Variants in BSG observed in about 807,000 individuals in gnomAD.
BSG encodes the protein basigin.
A neutral mutation model predicts 43.1 loss-of-function variants in BSG; 37 were observed. The observed-to-expected ratio is 0.86, with a 90% CI of 0.66 to 1.13. The LOEUF is 1.13. Ranked by LOEUF, BSG falls within the 50% of genes most tolerant of loss-of-function variation. The probability of loss-of-function intolerance (pLI) is 0.00; values close to 1 mark genes in which losing one functional copy is unlikely to be tolerated. For missense variants in BSG, 599 were observed against 554.2 expected, an observed-to-expected ratio of 1.08 and a Z score of -0.81; for synonymous variants, 309 against 238.7, an observed-to-expected ratio of 1.29 and a Z score of -2.72.
At chr19:576,215 T>C (rs1981760495) in intron 1 of BSG, among the ~76,000 whole-genome samples, 6 of 152,134 alleles carry the variant, frequency 3.9e-5, no homozygotes, top group Admixed American at 2.6e-4. Flanking sequence ...GGAGGTGGGG[T>C]GAGGTGAGTC....
intron 1 of BSG, among the ~76,000 whole-genome samples, chr19:575,595 A>C (rs957572067): frequency 1.5e-5 from 1 of 66,348 alleles, no homozygotes; most frequent in African/African-American, 6.0e-5. Flanking sequence ...CTGCTGTCTG[A>C]GCACTGGGGT....
At chr19:571,369 AC>A, upstream of BSG, 1 of 605,194 alleles carries the variant, frequency 1.7e-6, no homozygotes, top group African/African-American at 1.9e-5. Flanking sequence ...TCCGAGTTTA[AC>A]TTCCAACACA....
intron 4 of BSG, 40 bp downstream of exon 4, chr19:580,501 TCGGGAGAAGTTGTTGGCCTGAGGCAC>T: frequency 6.2e-7 from 1 of 1,607,422 alleles, no homozygotes; most frequent in Non-Finnish European, 8.5e-7. Flanking sequence ...CCACCGACTG[TCGGGAGAAGTTGTTGGCCTGAGGCAC>T]CCGGCACATC....
chr19:577,079 G>A (rs546562394), intron 1 of BSG, among the ~76,000 whole-genome samples: 14 of 152,320 alleles, frequency 9.2e-5, no homozygotes, highest in Middle Eastern at 6.8e-3. Context: ...CTTGGGCTGG[G>A]CTGTTCCTGG....
At position 580,412 on chromosome 19, in the gene BSG, C is replaced by T. The variant is rs969288382; in HGVS notation, c.606C>T (p.Ser202=). 1 of 1,611,362 alleles carries T rather than the reference C, an allele frequency of 6.2e-7. No individual in the cohort carries two copies. The highest frequency in any genetic ancestry group is 8.5e-7 in the Non-Finnish European group (1 of 1,179,938). ...VDSDDQWGEY[S]CVFLPEPMGT... ...CCGACGACCAGTGGGGAGAGTACTC[C>T]TGCGTCTTCCTCCCCGAGCCCATGG... Residue 202 remains serine, a synonymous_variant, in exon 4 of 9, where the codon TCC becomes TCT. Transcript: ENST00000333511.
chr19:576,285 G>T (rs1428675767), intron 1 of BSG, among the ~76,000 whole-genome samples: 1 of 152,218 alleles, frequency 6.6e-6, no homozygotes, highest in Non-Finnish European at 1.5e-5. Context: ...AGCCCTGCAG[G>T]TCTGGAGGAT....
chr19:580,266 C>T (rs954434934), intron 3 of BSG, 113 bp from the exon 4 acceptor site: 17 of 929,502 alleles, frequency 1.8e-5, no homozygotes, highest in Non-Finnish European at 2.0e-5. Context: ...TCAGACTTGA[C>T]TGGGACAGTT....
In BSG at chr19:579,574, A is replaced by T; in HGVS notation, c.490A>T (p.Thr164Ser). The T allele has an allele frequency of 6.2e-7, 1 of 1,612,726 alleles. No homozygotes were observed. Among genetic ancestry groups the T allele is most frequent in the Non-Finnish European group, 8.5e-7 (1 of 1,179,924 alleles). Reference sequence around the variant, plus strand: ...CACCTGCTCCTTGAATGACAGCGCCACAGAGGTCACAGGGCACCGCTGGCT... The same window carrying T: ...CACCTGCTCCTTGAATGACAGCGCCTCAGAGGTCACAGGGCACCGCTGGCT... ...LLTCSLNDSA[T>S]EVTGHRWLKG... is the part of the protein sequence containing the mutation. Residue 164 changes from threonine to serine, a missense_variant, in exon 3 of 9, where the codon ACA becomes TCA. Coordinates refer to ENST00000333511, the MANE Select transcript of BSG (RefSeq NM_001728.4).
In BSG at chr19:577,976, C is replaced by T. The variant is rs747732556; in HGVS notation, c.270C>T (p.Ala90=). 3.7e-6 allele frequency: 6 copies of T among 1,612,106 alleles called. No homozygotes were observed. The African/African-American group carries it at 5.3e-5, about 14-fold the overall frequency. Residue 90 remains alanine, a synonymous_variant, in exon 2 of 9, where the codon GCC becomes GCT. Transcript: ENST00000333511. ...ACGCCACCTACCACCAGCACGCGGC[C>T]AGCACCATCTCCATCGACACGCTCG... The part of the protein sequence containing the change: ...HIHATYHQHA[A]STISIDTLVE...
At position 583,050 on chromosome 19, in the gene BSG, G is replaced by A. The variant is rs1234049390; in HGVS notation, c.*306G>A. 6 of 179,348 alleles carry A rather than the reference G, an allele frequency of 3.3e-5. No homozygotes were observed. The highest frequency in any genetic ancestry group is 2.3e-4 in the South Asian group (2 of 8,856). The allele number at this position is 179,348 out of a possible 1,614,324, so 11.1% of individuals were successfully genotyped here. A position where few individuals can be genotyped will look rare whatever the true frequency, so the allele number is the denominator to read the frequency against. On this transcript the variant is annotated 3_prime_UTR_variant, in exon 9 of 9. Transcript: ENST00000333511. The stretch of plus-strand genomic sequence containing the variant: ...GGCGGCACAGCCTTCTCCACTGGCC[G>A]GAGTCAGTGCCAGGTCCTTGCCCTT...
At chr19:572,428 T>C, upstream of BSG, 25 of 1,137,332 alleles carry the variant, frequency 2.2e-5, no homozygotes, top group Admixed American at 4.9e-5. Flanking sequence ...CCGGATTCCG[T>C]AGCGTGAGCC....
In BSG at chr19:580,124, A is replaced by AC. The variant is rs200823690; in HGVS notation, c.573-255_573-254insC. On this transcript the variant is annotated intron_variant, in intron 3 of 8. Coordinates refer to ENST00000333511, the MANE Select transcript of BSG (RefSeq NM_001728.4). ...AAGACGGTCACAGGGTGTGGGGTGCAGAGCAGGGACCAGAGGTGTGGGGTT... is the reference window on the plus strand; with the variant it reads ...AAGACGGTCACAGGGTGTGGGGTGCACGAGCAGGGACCAGAGGTGTGGGGTT... 5.7e-3 allele frequency: 2,955 copies of AC among 520,664 alleles called. 136 individuals carry two copies. In the East Asian group the frequency reaches 0.084, roughly 15 times the overall value. 32.3% of individuals were successfully genotyped at this position (520,664 alleles called of 1,614,324 possible). A position where few individuals can be genotyped will look rare whatever the true frequency, so the allele number is the denominator to read the frequency against.
chr19:581,715 G>A lies in BSG; in HGVS notation c.1069+124G>A, dbSNP rs552594392. The A allele has an allele frequency of 1.8e-5, 23 of 1,300,820 alleles. No homozygotes were observed. In the South Asian group the frequency reaches 3.5e-4, roughly 20 times the overall value. The allele number at this position is 1,300,820 out of a possible 1,614,324, so 80.6% of individuals were successfully genotyped here. On this transcript the variant is annotated intron_variant, in intron 6 of 8. Coordinates refer to ENST00000333511, the MANE Select transcript of BSG (RefSeq NM_001728.4). ...GGAACTGAGGAGCCCCAGGCAGGGA[G>A]TTGATGGGACCCCGAAAGAAAGTGT... is the stretch of plus-strand genomic sequence containing the variant.
At chr19:571,389 A>C, upstream of BSG, 1 of 626,616 alleles carries the variant, frequency 1.6e-6, no homozygotes, top group Middle Eastern at 4.2e-4. Context: ...CACACTTTCA[A>C]CCTCCAAGAG....
At chr19:579,315 C>A in intron 2 of BSG, 185 bp from the exon 3 acceptor site, 2 of 824,282 alleles carry the variant, frequency 2.4e-6, no homozygotes, top group Non-Finnish European at 4.0e-6. Context: ...TGGGCTCTTC[C>A]CTTCCCGGAG....
chr19:579,462 C>T (rs749006346), intron 2 of BSG, 38 bp from the exon 3 acceptor site: 46 of 1,610,320 alleles, frequency 2.9e-5, no homozygotes, highest in Non-Finnish European at 3.7e-5. Context: ...GGGCCGTGCT[C>T]CTCCACTCTG....
At chr19:579,678 G>A in intron 3 of BSG, 22 bp downstream of exon 3, 1 of 1,585,358 alleles carries the variant, frequency 6.3e-7, no homozygotes, top group South Asian at 1.1e-5. Context: ...ACCACGCCAT[G>A]CCGCCACCTG....
chr19:572,368 G>T, upstream of BSG: 3 of 1,087,508 alleles, frequency 2.8e-6, 1 homozygote, highest in South Asian at 9.0e-5. Context: ...CCGCGTCCCC[G>T]CAGGCCCCAC....
In BSG at chr19:573,502, G is replaced by C. The variant is rs575145394; in HGVS notation, c.67+801G>C. On this transcript the variant is annotated intron_variant, in intron 1 of 8. Coordinates refer to ENST00000333511, the MANE Select transcript of BSG (RefSeq NM_001728.4). ...TCACGGGATTTAGCCCTGGCGTCTT[G>C]CCTAGGGCGTGCACCTGCCCCCGGG... Among the ~76,000 whole-genome samples, 319 of 152,282 alleles carry C rather than the reference G, an allele frequency of 2.1e-3. 1 individual carries two copies. The highest frequency in any genetic ancestry group is 3.2e-3 in the Non-Finnish European group (218 of 68,016).
Sources: allele counts gnomAD v4.1 joint callset (sites outside exome capture counted in the v4.1 genomes callset), GRCh38; gene constraint gnomAD v4.1.1; transcripts MANE v1.5; gene names NCBI Gene and HGNC (gene_info 2026-07-23, HGNC 2026-07-21).